LMF1: variants seen among roughly 807,000 people sequenced by gnomAD.
LMF1 encodes the protein lipase maturation factor 1.
Under a neutral mutation model 60.6 loss-of-function variants are expected in LMF1, and 68 were observed. The observed-to-expected ratio is 1.12, with a 90% CI of 0.92 to 1.37. LMF1 has a LOEUF of 1.37. LMF1 is among the 40% of genes most tolerant of loss of function. LMF1 has a pLI of 0.00. For synonymous variants in LMF1, 418 were observed against 324.7 expected, an observed-to-expected ratio of 1.29 and a Z score of -3.09; for missense variants, 948 against 767.2, an observed-to-expected ratio of 1.24 and a Z score of -2.78.
upstream of LMF1, among the ~76,000 whole-genome samples, chr16:971,198 G>T (rs2073046060): frequency 6.6e-6 from 1 of 152,132 alleles, no homozygotes; most frequent in Admixed American, 6.5e-5. Flanking sequence ...CGCAGTTCTC[G>T]CTGGGCGCTG....
chr16:890,447 C>G (rs1447813534), intron 5 of LMF1, among the ~76,000 whole-genome samples: 1 of 152,122 alleles, frequency 6.6e-6, no homozygotes, highest in Non-Finnish European at 1.5e-5. Context: ...GCAGCTGCTG[C>G]CAGAGCCTCA....
At chr16:913,177 C>T (rs1020322703) in intron 3 of LMF1, among the ~76,000 whole-genome samples, 3 of 152,232 alleles carry the variant, frequency 2.0e-5, no homozygotes, top group African/African-American at 7.2e-5. Context: ...GCCAGGGGGA[C>T]GGCTCCGGGA....
intron 3 of LMF1, among the ~76,000 whole-genome samples, chr16:929,497 G>A (rs2071707895): frequency 6.6e-6 from 1 of 152,236 alleles, no homozygotes; most frequent in African/African-American, 2.4e-5. Flanking sequence ...ACGGAGCCCT[G>A]CCACCCGCTG....
rs1463954536 is a variant in LMF1, at chr16:854,697, T to C, written c.1539A>G (p.Arg513=). 5 of 1,591,574 alleles carry C rather than the reference T, an allele frequency of 3.1e-6. No homozygotes were observed. The East Asian group carries it at 9.1e-5, about 29-fold the overall frequency. ...FAGRPPPRWV[R]GEHYRYKFSR... ...TGAACTTGTACCTGTAGTGCTCTCC[T>C]CGGACCCACCTGCAAGGGGGCACAT... The change falls in exon 11 of 11, where the codon CGA becomes CGG. Residue 513 remains arginine, a synonymous_variant. Coordinates refer to ENST00000262301, the MANE Select transcript of LMF1 (RefSeq NM_022773.4).
At chr16:883,034 G>A (rs28588265) in intron 5 of LMF1, among the ~76,000 whole-genome samples, 2,765 of 116,462 alleles carry the variant, frequency 0.024, 116 homozygotes, top group African/African-American at 0.087. Context: ...GCCACCCAGC[G>A]GAGCCCATCG....
chr16:885,906 T>G, intron 5 of LMF1, among the ~76,000 whole-genome samples: 1 of 152,192 alleles, frequency 6.6e-6, no homozygotes, highest in East Asian at 1.9e-4. Context: ...GTCTGTTCAT[T>G]TTTGGCTCAA....
At chr16:870,330 G>A (rs1047508090) in intron 8 of LMF1, among the ~76,000 whole-genome samples, 6 of 152,224 alleles carry the variant, frequency 3.9e-5, no homozygotes, top group Admixed American at 2.0e-4. Flanking sequence ...CATGCCCCTC[G>A]GCAGCTCAGG....
chr16:938,457 C>T (rs899988646), intron 2 of LMF1, among the ~76,000 whole-genome samples: 5 of 152,196 alleles, frequency 3.3e-5, no homozygotes, highest in African/African-American at 1.2e-4. Context: ...AGGGGTGGGG[C>T]TGGACCACAC....
intron 4 of LMF1, among the ~76,000 whole-genome samples, chr16:904,487 C>CTGCCTGTGGGGA (rs2070918187): frequency 3.6e-4 from 16 of 44,452 alleles, no homozygotes; most frequent in Admixed American, 1.2e-3. Context: ...GACCTCTGCA[C>CTGCCTGTGGGGA]CGCCCACAGG....
intron 4 of LMF1, among the ~76,000 whole-genome samples, chr16:896,365 G>A (rs959680329): frequency 6.6e-6 from 1 of 152,348 alleles, no homozygotes; most frequent in African/African-American, 2.4e-5. Flanking sequence ...CTTGCTGTAC[G>A]TCCCTGCCCT....
intron 10 of LMF1, among the ~76,000 whole-genome samples, chr16:867,495 A>G (rs1423947344): frequency 6.6e-6 from 1 of 152,170 alleles, no homozygotes; most frequent in Non-Finnish European, 1.5e-5. Context: ...GGGCAGTAAC[A>G]GAGAAGACCC....
intron 2 of LMF1, among the ~76,000 whole-genome samples, chr16:950,785 G>A (rs1176485646): frequency 9.1e-6 from 1 of 109,956 alleles, no homozygotes; most frequent in Non-Finnish European, 1.7e-5. Flanking sequence ...CAACGACAGA[G>A]TCAGCCAATG....
intron 2 of LMF1, among the ~76,000 whole-genome samples, chr16:940,478 C>A (rs943577379): frequency 1.3e-5 from 2 of 152,226 alleles, no homozygotes; most frequent in East Asian, 3.9e-4. Context: ...CCTGGGACGA[C>A]GACCACAGGA....
intron 3 of LMF1, among the ~76,000 whole-genome samples, chr16:928,126 G>C (rs565444112): frequency 6.6e-6 from 1 of 152,198 alleles, no homozygotes; most frequent in Non-Finnish European, 1.5e-5. Context: ...CAGCCTGGCC[G>C]TCCTGCCTCC....
At chr16:889,228 G>T (rs148137949) in intron 5 of LMF1, among the ~76,000 whole-genome samples, 1 of 152,376 alleles carries the variant, frequency 6.6e-6, no homozygotes, top group African/African-American at 2.4e-5. Flanking sequence ...CCCTCCAGGG[G>T]GCTGGCCCCT....
At chr16:939,303 A>C (rs2072031814) in intron 2 of LMF1, among the ~76,000 whole-genome samples, 1 of 152,214 alleles carries the variant, frequency 6.6e-6, no homozygotes, top group South Asian at 2.1e-4. Flanking sequence ...GCACCCGTCC[A>C]CCACGCACAC....
chr16:971,146 C>A, upstream of LMF1: 10 of 664,150 alleles, frequency 1.5e-5, no homozygotes, highest in Non-Finnish European at 2.2e-5. Flanking sequence ...TCCAGCCGGC[C>A]CCGCCCACGC....
intron 1 of LMF1, among the ~76,000 whole-genome samples, chr16:955,341 A>G (rs1411366443): frequency 6.6e-6 from 1 of 150,756 alleles, no homozygotes; most frequent in Non-Finnish European, 1.5e-5. Context: ...ACACACATCT[A>G]AGTGAACCCG....
In LMF1 at chr16:954,377, C is replaced by A; in HGVS notation, c.483G>T (p.Leu161=). 3 of 1,612,518 alleles carry A rather than the reference C, an allele frequency of 1.9e-6. No individual in the cohort carries two copies. Among genetic ancestry groups the A allele is most frequent in the Non-Finnish European group, 2.5e-6 (3 of 1,179,652 alleles). ...MAALWGLYMS[L]VNVGHVWYSF... is the part of the protein sequence containing the mutation. Reference sequence around the variant, plus strand: ...CTCACCAGACATGGCCCACATTAACCAGGGACATGTAGAGGCCCCACAGGG... The same window carrying A: ...CTCACCAGACATGGCCCACATTAACAAGGGACATGTAGAGGCCCCACAGGG... Residue 161 remains leucine (L), a synonymous_variant, in exon 2 of 11, where the codon CTG becomes CTT. Transcript: ENST00000262301.
Sources: allele counts gnomAD v4.1 joint callset (sites outside exome capture counted in the v4.1 genomes callset), GRCh38; gene constraint gnomAD v4.1.1; transcripts MANE v1.5; gene names NCBI Gene and HGNC (gene_info 2026-07-23, HGNC 2026-07-21).